Variants in ASIC2 observed in about 807,000 individuals in gnomAD.
ASIC2 encodes acid sensing ion channel subunit 2, also known as acid-sensing ion channel 2.
Under a neutral mutation model 57.3 loss-of-function variants are expected in ASIC2, and 25 were observed. The observed-to-expected ratio is 0.44, with a 90% CI of 0.32 to 0.61. The LOEUF is 0.61. Among genes scored for constraint, ASIC2 ranks in the 20% least tolerant of loss-of-function variants. The pLI, the probability that ASIC2 is intolerant of heterozygous loss-of-function variation, is 0.06. For synonymous variants in ASIC2, 319 were observed against 307.5 expected (o/e 1.04, Z -0.39); for missense variants, 641 against 738.1 (o/e 0.87, Z 1.52).
chr17:34,003,962 G>C (rs189294365), intron 1 of ASIC2: 2 of 152,190 alleles, frequency 1.3e-5, no homozygotes. Flanking sequence ...AAAACAGCCA[G>C]CATGCAATTG....
At chr17:34,072,193 A>G (rs1264816288) in intron 1 of ASIC2, 3 of 152,310 alleles carry the variant, frequency 2.0e-5, no homozygotes, top group African/African-American at 7.2e-5. Context: ...CGATTGCTGC[A>G]TAGCTGTGAG....
At chr17:33,782,079 G>A (rs772392890) in intron 1 of ASIC2, among the ~76,000 whole-genome samples, 4 of 152,050 alleles carry the variant, frequency 2.6e-5, no homozygotes, top group Non-Finnish European at 4.4e-5. Context: ...TTGTCTGATC[G>A]GTGGTTTGCA....
At chr17:33,528,155 G>A (rs902739701) in intron 1 of ASIC2, among the ~76,000 whole-genome samples, 9 of 46,768 alleles carry the variant, frequency 1.9e-4, no homozygotes, top group South Asian at 5.6e-4. Flanking sequence ...TGGCTGACCC[G>A]TGTATGTGGT....
chr17:34,027,280 C>T (rs202219432), intron 1 of ASIC2, among the ~76,000 whole-genome samples: 2 of 152,154 alleles, frequency 1.3e-5, no homozygotes, highest in South Asian at 2.1e-4. Context: ...ATCTCAGTAC[C>T]TCCAAGTTTC....
At chr17:33,176,267 GC>G (rs1905753258) in intron 1 of ASIC2, among the ~76,000 whole-genome samples, 1 of 152,196 alleles carries the variant, frequency 6.6e-6, no homozygotes, top group Non-Finnish European at 1.5e-5. Context: ...TGGACTGCAA[GC>G]TTTTTGAAGG....
chr17:33,066,476 C>T (rs2092044047), intron 3 of ASIC2, among the ~76,000 whole-genome samples: 2 of 152,086 alleles, frequency 1.3e-5, no homozygotes. Flanking sequence ...AAAGGATGTC[C>T]TCATGGGCCA....
chr17:33,083,356 G>A lies in ASIC2; in HGVS notation c.987+5507C>T, dbSNP rs12450324. ...ACATGAAGTAAGCCTACATGGGACTGTTGTACCCTTGGAAGTGTGACAAAA... is the reference window on the plus strand; with the variant it reads ...ACATGAAGTAAGCCTACATGGGACTATTGTACCCTTGGAAGTGTGACAAAA... On this transcript the variant is annotated intron_variant, in intron 3 of 9. Transcript: ENST00000225823. Among the ~76,000 whole-genome samples, 1,140 of 152,310 alleles carry A rather than the reference G, an allele frequency of 7.5e-3. 31 individuals carry two copies. The highest frequency in any genetic ancestry group is 0.062 in the East Asian group (322 of 5,174).
chr17:33,116,435 T>C (rs997125684), intron 1 of ASIC2, among the ~76,000 whole-genome samples: 1 of 152,234 alleles, frequency 6.6e-6, no homozygotes, highest in African/African-American at 2.4e-5. Flanking sequence ...ACTGTCAGGT[T>C]GAGCTCACTG....
chr17:33,420,195 A>C (rs958272686), intron 1 of ASIC2, among the ~76,000 whole-genome samples: 15 of 152,202 alleles, frequency 9.9e-5, no homozygotes, highest in Non-Finnish European at 1.6e-4. Flanking sequence ...CCAGATATTT[A>C]TTGAACACCC....
At chr17:33,546,715 T>C (rs1448985332) in intron 1 of ASIC2, among the ~76,000 whole-genome samples, 1 of 152,106 alleles carries the variant, frequency 6.6e-6, no homozygotes, top group Non-Finnish European at 1.5e-5. Flanking sequence ...TCAAGTTACC[T>C]CCTCCAGCCC....
chr17:33,078,128 T>C (rs928582266), intron 3 of ASIC2, among the ~76,000 whole-genome samples: 2 of 152,104 alleles, frequency 1.3e-5, no homozygotes, highest in African/African-American at 2.4e-5. Flanking sequence ...CTGAGTAAGA[T>C]AAAGTAGGTG....
chr17:33,738,288 G>C (rs1909987434), intron 1 of ASIC2, among the ~76,000 whole-genome samples: 1 of 152,194 alleles, frequency 6.6e-6, no homozygotes, highest in African/African-American at 2.4e-5. Flanking sequence ...CCATTAGAAA[G>C]CTGTTGGATG....
At chr17:34,119,503 C>T (rs1244200777) in intron 1 of ASIC2, among the ~76,000 whole-genome samples, 2 of 152,026 alleles carry the variant, frequency 1.3e-5, no homozygotes, top group African/African-American at 2.4e-5. Context: ...ATTTTGTGTG[C>T]CTCCAAAGCC....
At chr17:33,272,169 T>A (rs1407544963) in intron 1 of ASIC2, among the ~76,000 whole-genome samples, 1 of 152,230 alleles carries the variant, frequency 6.6e-6, no homozygotes, top group Non-Finnish European at 1.5e-5. Flanking sequence ...AGCTAAAGCA[T>A]CTTACAAACA....
intron 1 of ASIC2, among the ~76,000 whole-genome samples, chr17:33,263,809 A>C (rs1909368803): frequency 6.6e-6 from 1 of 152,238 alleles, no homozygotes; most frequent in Non-Finnish European, 1.5e-5. Context: ...AAGAATTCCT[A>C]AAGCATGGTG....
intron 1 of ASIC2, among the ~76,000 whole-genome samples, chr17:33,728,795 C>T (rs147103359): frequency 1.1e-4 from 17 of 152,222 alleles, no homozygotes; most frequent in African/African-American, 3.6e-4. Flanking sequence ...ATCCATGAGC[C>T]GGGCCAACCA....
intron 1 of ASIC2, among the ~76,000 whole-genome samples, chr17:34,016,442 A>G (rs986835994): frequency 7.3e-5 from 11 of 150,984 alleles, no homozygotes; most frequent in Middle Eastern, 3.2e-3. Flanking sequence ...AAAAAAAAAA[A>G]AAAAAGAAAC....
Position 33,291,996 on chromosome 17 carries a change from G to A in ASIC2, c.120C>T (p.Gly40=). The A allele has an allele frequency of 3.2e-6, 4 of 1,254,258 alleles. No individual in the cohort carries two copies. Among genetic ancestry groups the A allele is most frequent in the East Asian group, 3.2e-5 (1 of 31,020 alleles). 77.7% of individuals were successfully genotyped at this position (1,254,258 alleles called of 1,614,324 possible). ...GCAGCGCCCGCTCGCCGCCTCTGCC[G>A]CCCCCGGGCTGCCCGGCAGCCGCCA... is the stretch of plus-strand genomic sequence containing the variant. ...AALAAAGQPG[G]GRGGERALQG... The change falls in exon 1 of 10, where the codon GGC becomes GGT. Residue 40 remains glycine (G), a synonymous_variant. Coordinates refer to ENST00000225823, the MANE Select transcript of ASIC2 (RefSeq NM_183377.2).
chr17:33,600,405 T>C (rs1328153377), intron 1 of ASIC2, among the ~76,000 whole-genome samples: 2 of 152,160 alleles, frequency 1.3e-5, no homozygotes, highest in Non-Finnish European at 2.9e-5. Flanking sequence ...TTATTATAAA[T>C]TACCTGGTCT....
Sources: gnomAD v4.1 joint callset for allele counts (sites outside exome capture counted in the v4.1 genomes callset) on GRCh38, gnomAD v4.1.1 for gene constraint, MANE v1.5 for transcripts, NCBI Gene and HGNC (gene_info 2026-07-23, HGNC 2026-07-21) for gene names.